The following SORT1 variants were observed in gnomAD, a reference collection of about 807,000 sequenced individuals.
The protein encoded by SORT1 is sortilin 1, also known as sortilin.
SORT1 carries 39 observed loss-of-function variants against 101.7 expected under a neutral mutation model. The observed-to-expected ratio is 0.38, with a 90% CI of 0.30 to 0.50. The LOEUF (loss-of-function observed/expected upper bound fraction) is 0.50. SORT1 is among the 20% of genes least tolerant of loss of function. The pLI is 0.90. For missense variants in SORT1, 878 were observed against 1,040.4 expected (o/e 0.84, Z 2.15); for synonymous variants, 396 against 393.7 (o/e 1.01, Z -0.07).
intron 1 of SORT1, among the ~76,000 whole-genome samples, chr1:109,386,574 C>A (rs1652579488): frequency 6.6e-6 from 1 of 152,128 alleles, no homozygotes; most frequent in Non-Finnish European, 1.5e-5. Context: ...GCACATAGGC[C>A]AGGTGTGGTG....
At chr1:109,355,652 C>CCG (rs1553196390) in intron 3 of SORT1, among the ~76,000 whole-genome samples, 183 bp from the exon 4 acceptor site, 2 of 137,706 alleles carry the variant, frequency 1.5e-5, no homozygotes, top group African/African-American at 2.6e-5. Context: ...CCCGCCCCCC[C>CCG]CCCCACAAAC....
chr1:109,382,632 T>C (rs534022705), intron 1 of SORT1, among the ~76,000 whole-genome samples: 2 of 152,306 alleles, frequency 1.3e-5, no homozygotes, highest in South Asian at 4.2e-4. Context: ...CTTTTGTCCA[T>C]TACCTATTGA....
chr1:109,386,438 G>GA (rs1302969991), intron 1 of SORT1, among the ~76,000 whole-genome samples: 10 of 152,208 alleles, frequency 6.6e-5, no homozygotes, highest in Non-Finnish European at 1.3e-4. Flanking sequence ...AGAAACCCAT[G>GA]AAAACAAAGA....
chr1:109,353,356 A>G (rs1650096911), intron 5 of SORT1, among the ~76,000 whole-genome samples: 1 of 150,900 alleles, frequency 6.6e-6, no homozygotes, highest in African/African-American at 2.4e-5. Context: ...AAAAAACAAA[A>G]GCAAAAAAAA....
chr1:109,342,231 G>T, intron 8 of SORT1, 73 bp from the exon 9 acceptor site: 1 of 1,147,724 alleles, frequency 8.7e-7, no homozygotes, highest in South Asian at 1.4e-5. Context: ...GAACAAGAAT[G>T]TTTTAAATAA....
chr1:109,327,646 T>C lies in SORT1; in HGVS notation c.1372-45A>G, dbSNP rs1045936473. ...CGTAGATTAGAACCAAAGATAAAGA[T>C]ACAATTTCTTTAATCATTTCACAAA... is the stretch of plus-strand genomic sequence containing the variant. On this transcript the variant is annotated intron_variant, in intron 11 of 19. Transcript: ENST00000256637. 9.5e-6 allele frequency: 12 copies of C among 1,265,074 alleles called. No individual in the cohort carries two copies. In the Admixed American group the frequency reaches 1.4e-4, roughly 15 times the overall value. The allele number at this position is 1,265,074 out of a possible 1,614,324, so 78.4% of individuals were successfully genotyped here.
chr1:109,394,019 A>G (rs1038917567), intron 1 of SORT1, among the ~76,000 whole-genome samples: 1 of 152,178 alleles, frequency 6.6e-6, no homozygotes, highest in Non-Finnish European at 1.5e-5. Flanking sequence ...TAAGTAACTC[A>G]CCCAGGATCA....
intron 3 of SORT1, among the ~76,000 whole-genome samples, chr1:109,360,839 TGAG>T (rs1052642038): frequency 1.3e-5 from 2 of 152,152 alleles, no homozygotes; most frequent in African/African-American, 4.8e-5. Context: ...CTTTTGAAAT[TGAG>T]GAGGCAGCCT....
rs368869256 is a variant in SORT1, at chr1:109,355,480, G to GA, written c.441-12dup. ...TTCCCATAATCCTCACTGAGAGGAA[G>GA]AAAAAAAGGGCAAATTTAGGGTGCA... On this transcript the variant is annotated splice_polypyrimidine_tract_variant and intron_variant, in intron 3 of 19. Transcript: ENST00000256637. The GA allele has an allele frequency of 7.6e-7, 1 of 1,311,902 alleles. No homozygotes were observed. The highest frequency in any genetic ancestry group is 1.1e-6 in the Non-Finnish European group (1 of 906,752). 81.3% of individuals were successfully genotyped at this position (1,311,902 alleles called of 1,614,324 possible).
At chr1:109,373,849 C>T (rs916867216) in intron 1 of SORT1, among the ~76,000 whole-genome samples, 7 of 152,160 alleles carry the variant, frequency 4.6e-5, no homozygotes, top group African/African-American at 1.7e-4. Context: ...TTTGGGAGGC[C>T]GAGGTGGGAG....
Position 109,351,031 on chromosome 1 carries a change from T to C in SORT1, c.709-29A>G, listed in dbSNP as rs772452508. The stretch of plus-strand genomic sequence containing the variant: ...AAAGATTATAAATGACTTATCAAAA[T>C]TCTAGCTTTATCCTGTGTAGTTGCT... On this transcript the variant is annotated intron_variant, in intron 5 of 19. Transcript: ENST00000256637. The C allele has an allele frequency of 1.4e-5, 20 of 1,465,000 alleles. No homozygotes were observed. In the Middle Eastern group the frequency reaches 5.2e-4, roughly 38 times the overall value. 90.8% of individuals were successfully genotyped at this position (1,465,000 alleles called of 1,614,324 possible).
At chr1:109,362,751 G>A (rs1385202483) in intron 3 of SORT1, among the ~76,000 whole-genome samples, 1 of 151,278 alleles carries the variant, frequency 6.6e-6, no homozygotes, top group Non-Finnish European at 1.5e-5. Context: ...TAGAAGTGAA[G>A]TTGTATTAAA....
intron 1 of SORT1, among the ~76,000 whole-genome samples, chr1:109,382,942 G>C (rs546401887): frequency 6.6e-6 from 1 of 152,090 alleles, no homozygotes; most frequent in South Asian, 2.1e-4. Flanking sequence ...TTCTACGATC[G>C]TCTGAATACC....
intron 1 of SORT1, among the ~76,000 whole-genome samples, chr1:109,391,369 G>A (rs1309453051): frequency 1.3e-5 from 2 of 152,102 alleles, no homozygotes; most frequent in African/African-American, 2.4e-5. Flanking sequence ...GAATCAGCCA[G>A]GAAAACATTT....
chr1:109,360,920 T>C (rs1342600331), intron 3 of SORT1, among the ~76,000 whole-genome samples: 1 of 152,220 alleles, frequency 6.6e-6, no homozygotes, highest in Admixed American at 6.5e-5. Context: ...TCTGTGGTCC[T>C]TGAAATCTGA....
intron 11 of SORT1, among the ~76,000 whole-genome samples, chr1:109,334,516 C>T (rs79842574): frequency 8.8e-4 from 134 of 152,186 alleles, no homozygotes; most frequent in African/African-American, 3.1e-3. Context: ...AGAATGGTGG[C>T]TTTTGGGGCT....
intron 1 of SORT1, among the ~76,000 whole-genome samples, chr1:109,396,354 T>C (rs1316252809): frequency 6.6e-6 from 1 of 152,180 alleles, no homozygotes; most frequent in African/African-American, 2.4e-5. Flanking sequence ...TTGTAAAGCC[T>C]TTCTCAATCC....
At chr1:109,334,139 G>A (rs1359050709) in intron 11 of SORT1, among the ~76,000 whole-genome samples, 1 of 151,926 alleles carries the variant, frequency 6.6e-6, no homozygotes, top group Non-Finnish European at 1.5e-5. Flanking sequence ...GGGCAAGACT[G>A]TGTCTTTAAA....
chr1:109,326,396 A>G (rs1369341344), intron 13 of SORT1, among the ~76,000 whole-genome samples: 1 of 138,066 alleles, frequency 7.2e-6, no homozygotes, highest in Non-Finnish European at 1.5e-5. Flanking sequence ...AGAGTGCTTG[A>G]ACGCTTCCAT....
Sources: allele counts gnomAD v4.1 joint callset (sites outside exome capture counted in the v4.1 genomes callset), GRCh38; gene constraint gnomAD v4.1.1; transcripts MANE v1.5; gene names NCBI Gene and HGNC (gene_info 2026-07-23, HGNC 2026-07-21).